Variants in PTPN3 observed in about 807,000 individuals in gnomAD.
The protein encoded by PTPN3 is tyrosine-protein phosphatase non-receptor type 3.
A neutral mutation model predicts 132.7 loss-of-function variants in PTPN3; 96 were observed. The ratio of observed to expected loss-of-function variants is 0.72; its 90% CI spans 0.61 to 0.86. PTPN3 has a LOEUF of 0.86. PTPN3 is among the 40% of genes least tolerant of loss of function. The pLI is 0.00. For missense variants in PTPN3, 1,125 were observed against 1,159.6 expected, an observed-to-expected ratio of 0.97 and a Z score of 0.43; for synonymous variants, 398 against 429.0, an observed-to-expected ratio of 0.93 and a Z score of 0.89.
chr9:109,498,157 ACC>A lies in PTPN3; in HGVS notation c.-18+60_-18+61del, dbSNP rs1847767921. 2.1e-5 allele frequency: 3 copies of A among 143,696 alleles called. No homozygotes were observed. Among genetic ancestry groups the A allele is most frequent in the Non-Finnish European group, 4.6e-5 (3 of 65,064 alleles). The allele number at this position is 143,696 out of a possible 1,614,324, so 8.9% of individuals were successfully genotyped here. On this transcript the variant is annotated intron_variant, in intron 1 of 25. Transcript: ENST00000374541. This position sits in a 1 kb window ranked among gnomAD's most constrained non-coding sequence, Gnocchi z 4.2. ...TGGGGGCGGGGTGGCGCCGAGCGCG[ACC>A]CCGGCCCCCGGCAGCCCCGCACCCT... is the stretch of plus-strand genomic sequence containing the variant.
chr9:109,492,985 T>C (rs1048701617), intron 1 of PTPN3, among the ~76,000 whole-genome samples: 9 of 152,240 alleles, frequency 5.9e-5, no homozygotes, highest in African/African-American at 1.9e-4. Context: ...CTAGTCTGTA[T>C]AGATTTCCCA....
chr9:109,435,205 T>A (rs1288135354), intron 9 of PTPN3, among the ~76,000 whole-genome samples: 5 of 152,174 alleles, frequency 3.3e-5, no homozygotes, highest in African/African-American at 1.2e-4. Context: ...GGTCTTTCAG[T>A]ATGCACCTCA....
intron 1 of PTPN3, among the ~76,000 whole-genome samples, chr9:109,485,430 C>G (rs1376404357): frequency 1.3e-5 from 2 of 152,182 alleles, no homozygotes; most frequent in Non-Finnish European, 2.9e-5. Context: ...ACGGCGTGAA[C>G]CTGGGAGGCG....
Position 109,382,294 on chromosome 9 carries a change from C to T in PTPN3, c.2528+8G>A, listed in dbSNP as rs57773277. 26,764 of 1,613,136 alleles carry T rather than the reference C, an allele frequency of 0.017. 295 individuals carry two copies. Among genetic ancestry groups the T allele is most frequent in the Non-Finnish European group, 0.02 (23,458 of 1,179,364 alleles). On this transcript the variant is annotated splice_region_variant and intron_variant, in intron 24 of 25. Transcript: ENST00000374541. ...ATTCCAAACCTAACAAAACAGCAAG[C>T]GCCATACCTGCAGTGAACTAGGACG...
chr9:109,377,178 T>G lies in PTPN3; in HGVS notation c.*2378A>C, dbSNP rs1838625478. On this transcript the variant is annotated 3_prime_UTR_variant, in exon 26 of 26. Transcript: ENST00000374541. The stretch of plus-strand genomic sequence containing the variant: ...CCAGCGTTCCCTCCATCCCCCTTTC[T>G]TGGAGCTTGCTGAATTTTTGTGAGT... 6.6e-6 allele frequency: 1 copy of G among 152,216 alleles called. No homozygotes were observed. Among genetic ancestry groups the G allele is most frequent in the South Asian group, 2.1e-4 (1 of 4,832 alleles). The allele number at this position is 152,216 out of a possible 1,614,324, so 9.4% of individuals were successfully genotyped here.
intron 10 of PTPN3, among the ~76,000 whole-genome samples, chr9:109,432,060 A>G (rs1015082427): frequency 1.3e-5 from 2 of 148,686 alleles, no homozygotes; most frequent in Non-Finnish European, 3.0e-5. Context: ...TATATAATAT[A>G]GGGTATATTA....
intron 19 of PTPN3, 115 bp from the exon 20 acceptor site, chr9:109,391,676 T>TTATAATTAAAGTGA (rs1840114720): frequency 1.3e-6 from 1 of 754,846 alleles, no homozygotes; most frequent in African/African-American, 1.8e-5. Context: ...TGATTATGTG[T>TTATAATTAAAGTGA]TATATACTAA....
intron 10 of PTPN3, among the ~76,000 whole-genome samples, chr9:109,429,469 G>A (rs921589896): frequency 1.3e-5 from 2 of 152,192 alleles, no homozygotes; most frequent in African/African-American, 4.8e-5. Context: ...TCCCTACCTT[G>A]TCACACAGTA....
chr9:109,406,317 CA>C, intron 18 of PTPN3, 144 bp downstream of exon 18: 1 of 1,134,636 alleles, frequency 8.8e-7, no homozygotes, highest in East Asian at 2.5e-5. Flanking sequence ...AGTGAGAAGC[CA>C]AACATTCGGT....
intron 18 of PTPN3, 92 bp from the exon 19 acceptor site, chr9:109,404,700 G>A: frequency 1.5e-6 from 2 of 1,300,236 alleles, no homozygotes; most frequent in South Asian, 3.1e-5. Context: ...ACACCTGAAT[G>A]CAGATGGTTC....
At position 109,404,199 on chromosome 9, in the gene PTPN3, T is replaced by A. The variant is rs936639347; in HGVS notation, c.1953+249A>T. On this transcript the variant is annotated intron_variant, in intron 19 of 25. Transcript: ENST00000374541. ...CAGAGTTCAGCGAGGGTGGCCACCC[T>A]GATCCCTGCTTGCTGCTCCGAGCCT... Among the ~76,000 whole-genome samples the A allele has an allele frequency of 2.6e-5, 4 of 152,204 alleles. No individual in the cohort carries two copies. The East Asian group carries it at 7.7e-4, about 29-fold the overall frequency.
chr9:109,409,909 C>T (rs1318010612), intron 16 of PTPN3, 90 bp downstream of exon 16: 1 of 1,524,468 alleles, frequency 6.6e-7, no homozygotes. Context: ...TTATGTAGCT[C>T]AGGAATGCAG....
intron 22 of PTPN3, among the ~76,000 whole-genome samples, chr9:109,385,101 G>C (rs2131601347): frequency 6.6e-6 from 1 of 152,310 alleles, no homozygotes; most frequent in South Asian, 2.1e-4. Flanking sequence ...ATGCAAGGCA[G>C]AACTACCAAT....
At chr9:109,422,637 T>G in intron 13 of PTPN3, 81 bp downstream of exon 13, 1 of 1,438,050 alleles carries the variant, frequency 7.0e-7, no homozygotes. Flanking sequence ...CTTTAGGAGT[T>G]TATAAGTTGA....
At chr9:109,393,038 G>A (rs1010379303) in intron 19 of PTPN3, 2 of 152,152 alleles carry the variant, frequency 1.3e-5, no homozygotes, top group African/African-American at 4.8e-5. Context: ...TCTCTAACAG[G>A]ACAAGTCCTG....
chr9:109,533,842 C>T, the PTPN3 span: 2 of 845,130 alleles, frequency 2.4e-6, no homozygotes, highest in East Asian at 2.4e-5. Context: ...TCTCGCTATT[C>T]TGGTAGTTTT....
intron 4 of PTPN3, among the ~76,000 whole-genome samples, chr9:109,456,103 C>T (rs1299334679): frequency 4.6e-5 from 7 of 152,158 alleles, no homozygotes; most frequent in Non-Finnish European, 1.0e-4. Context: ...GAGACGGGAG[C>T]GAAGGCCACT....
intron 14 of PTPN3, among the ~76,000 whole-genome samples, chr9:109,415,568 G>A (rs1437706623): frequency 6.6e-6 from 1 of 152,200 alleles, no homozygotes; most frequent in African/African-American, 2.4e-5. Context: ...TGTGAAGCAT[G>A]GTGTGGAAGG....
Position 109,468,399 on chromosome 9 carries a change from C to G in PTPN3, c.-17-4948G>C, listed in dbSNP as rs141864347. Among the ~76,000 whole-genome samples the G allele has an allele frequency of 6.6e-3, 1,003 of 152,038 alleles. 8 individuals are homozygous for G. Among genetic ancestry groups the G allele is most frequent in the African/African-American group, 0.022 (919 of 41,454 alleles). ...TTTGTTTTTTTGAGACAGAGTCTTG[C>G]TCTGTCCCCCAGGCTGGAGTACAGT... On this transcript the variant is annotated intron_variant, in intron 1 of 25. Transcript: ENST00000374541.
Sources: allele counts gnomAD v4.1 joint callset (sites outside exome capture counted in the v4.1 genomes callset), GRCh38; gene constraint gnomAD v4.1.1; non-coding constraint Gnocchi (gnomAD v3.1); transcripts MANE v1.5; gene names NCBI Gene and HGNC (gene_info 2026-07-23, HGNC 2026-07-21).